Variants in ZNF385D observed in about 807,000 individuals in gnomAD.
ZNF385D encodes the protein zinc finger protein 385D.
In ZNF385D, 15 loss-of-function variants were observed where a neutral mutation model predicts 35.8. The observed-to-expected ratio is 0.42, with a 90% CI of 0.28 to 0.64. The LOEUF (loss-of-function observed/expected upper bound fraction) is 0.64. ZNF385D is among the 30% of genes least tolerant of loss of function. The pLI is 0.23. For missense variants in ZNF385D, 474 were observed against 494.6 expected (o/e 0.96, Z 0.39); for synonymous variants, 212 against 186.8 (o/e 1.13, Z -1.10).
At chr3:22,063,470 G>C (rs979979845) in intron 3 of ZNF385D, among the ~76,000 whole-genome samples, 7 of 152,130 alleles carry the variant, frequency 4.6e-5, no homozygotes, top group African/African-American at 1.7e-4. Flanking sequence ...ATATTCAATA[G>C]ATTTTTACAT....
chr3:21,563,088 T>C (rs1192447284), intron 3 of ZNF385D, among the ~76,000 whole-genome samples: 3 of 152,178 alleles, frequency 2.0e-5, no homozygotes. Context: ...ACCCCCAAGT[T>C]GATGGTAGTA....
At chr3:22,317,280 C>CAA (rs59675675) in intron 2 of ZNF385D, among the ~76,000 whole-genome samples, 4,023 of 26,604 alleles carry the variant, frequency 0.15, 236 homozygotes, top group Non-Finnish European at 0.16. Context: ...ACTCCATCTC[C>CAA]AAAAAAAAAA....
chr3:21,652,514 T>C (rs1002883158), intron 2 of ZNF385D, among the ~76,000 whole-genome samples: 2 of 152,174 alleles, frequency 1.3e-5, no homozygotes, highest in Non-Finnish European at 2.9e-5. Flanking sequence ...AGGATACATG[T>C]GCACAATGTG....
intron 3 of ZNF385D, among the ~76,000 whole-genome samples, chr3:21,557,403 C>T (rs757605235): frequency 6.6e-6 from 1 of 152,138 alleles, no homozygotes; most frequent in Non-Finnish European, 1.5e-5. Context: ...AAGGCTTTTT[C>T]TGCATCTATT....
At chr3:21,954,665 A>G (rs1702209473) in intron 3 of ZNF385D, among the ~76,000 whole-genome samples, 1 of 152,122 alleles carries the variant, frequency 6.6e-6, no homozygotes, top group Non-Finnish European at 1.5e-5. Context: ...AATATATATT[A>G]ACTGAAGGTA....
chr3:22,305,774 A>G (rs1424381248), intron 2 of ZNF385D, among the ~76,000 whole-genome samples: 1 of 152,176 alleles, frequency 6.6e-6, no homozygotes, highest in African/African-American at 2.4e-5. Flanking sequence ...AAAAATACTC[A>G]TGAACAACCA....
chr3:21,958,806 C>T (rs766361031), intron 3 of ZNF385D: 8 of 152,124 alleles, frequency 5.3e-5, no homozygotes, highest in South Asian at 2.1e-4. Context: ...TGGATGTTCA[C>T]GATATTATTT....
At chr3:21,753,156 G>C (rs1292008106), upstream of ZNF385D, among the ~76,000 whole-genome samples, 1 of 152,120 alleles carries the variant, frequency 6.6e-6, no homozygotes, top group African/African-American at 2.4e-5. Context: ...CTAACAAATT[G>C]AGATATAGAA....
chr3:22,064,701 T>A (rs1699842845), intron 3 of ZNF385D, among the ~76,000 whole-genome samples: 1 of 152,148 alleles, frequency 6.6e-6, no homozygotes, highest in South Asian at 2.1e-4. Flanking sequence ...AAGACACATA[T>A]GACATGATCT....
At chr3:22,019,034 CTTTTTTTTTTTTTTTT>C (rs11380195) in intron 3 of ZNF385D, among the ~76,000 whole-genome samples, 94 of 64,482 alleles carry the variant, frequency 1.5e-3, no homozygotes, top group African/African-American at 5.4e-3. Flanking sequence ...AGTTATTTAC[CTTTTTTTTTTTTTTTT>C]TTTTTTTTTT....
rs1203282463 is a variant in ZNF385D, at chr3:21,748,012, T to C, written c.22+2883A>G. 3.3e-5 allele frequency among the ~76,000 whole-genome samples: 5 copies of C among 152,286 alleles called. No homozygotes were observed. In the East Asian group the frequency reaches 9.7e-4, roughly 29 times the overall value. On this transcript the variant is annotated intron_variant, in intron 1 of 7. Coordinates refer to ENST00000281523, the MANE Select transcript of ZNF385D (RefSeq NM_024697.3). The stretch of plus-strand genomic sequence containing the variant: ...ATTTTCCCTGCTTCCTTCTCCCATG[T>C]GAACCTTATATTTAACTCCAAATGG...
chr3:21,895,870 A>G (rs1199035834), intron 3 of ZNF385D, among the ~76,000 whole-genome samples: 1 of 152,148 alleles, frequency 6.6e-6, no homozygotes, highest in Non-Finnish European at 1.5e-5. Context: ...GGAAAGGAAA[A>G]AGAGTCTATG....
At chr3:22,076,603 C>T (rs1256235625) in intron 3 of ZNF385D, among the ~76,000 whole-genome samples, 1 of 151,774 alleles carries the variant, frequency 6.6e-6, no homozygotes, top group Non-Finnish European at 1.5e-5. Context: ...TTTCCTAGCC[C>T]AATTGGACTA....
At chr3:22,044,501 T>C (rs918653396) in intron 3 of ZNF385D, among the ~76,000 whole-genome samples, 1 of 152,114 alleles carries the variant, frequency 6.6e-6, no homozygotes, top group Non-Finnish European at 1.5e-5. Context: ...GCACTTTAAG[T>C]ATTTTAATAC....
intron 3 of ZNF385D, among the ~76,000 whole-genome samples, chr3:21,963,418 G>A (rs1449740965): frequency 6.6e-6 from 1 of 152,126 alleles, no homozygotes; most frequent in Non-Finnish European, 1.5e-5. Flanking sequence ...AGGATAGGGA[G>A]GGGAAAGAGT....
At chr3:21,854,019 G>T (rs956210395) in intron 3 of ZNF385D, among the ~76,000 whole-genome samples, 1 of 151,756 alleles carries the variant, frequency 6.6e-6, no homozygotes, top group African/African-American at 2.4e-5. Flanking sequence ...GATTAAAAGG[G>T]CATATACAAA....
chr3:21,472,451 T>C (rs1703965163), intron 4 of ZNF385D, among the ~76,000 whole-genome samples: 1 of 152,168 alleles, frequency 6.6e-6, no homozygotes, highest in Non-Finnish European at 1.5e-5. Context: ...CAGCCGTAAA[T>C]GGCTACACTA....
rs181690122 is a variant in ZNF385D, at chr3:22,110,718, A to G, written c.325+58099T>C. Among the ~76,000 whole-genome samples the G allele has an allele frequency of 4.4e-3, 665 of 152,006 alleles. 8 individuals carry two copies. Among genetic ancestry groups the G allele is most frequent in the African/African-American group, 0.015 (620 of 41,438 alleles). ...ACAAGTTAATGGGTGCAGCACACCA[A>G]CATGGCACATGTATACATATGTAAC... On this transcript the variant is annotated intron_variant, in intron 3 of 5. Transcript: ENST00000494108.
chr3:22,109,541 G>C (rs1248476497), intron 3 of ZNF385D, among the ~76,000 whole-genome samples: 1 of 152,188 alleles, frequency 6.6e-6, no homozygotes, highest in African/African-American at 2.4e-5. Flanking sequence ...AGATGGGGCT[G>C]AGGCAAATAG....
Sources: allele counts gnomAD v4.1 joint callset (sites outside exome capture counted in the v4.1 genomes callset), GRCh38; gene constraint gnomAD v4.1.1; transcripts MANE v1.5; gene names NCBI Gene and HGNC (gene_info 2026-07-23, HGNC 2026-07-21).